The following MYT1 variants were observed in gnomAD, a reference collection of about 807,000 sequenced individuals.
MYT1 encodes myelin transcription factor 1.
MYT1 carries 23 observed loss-of-function variants against 123.0 expected under a neutral mutation model. The observed-to-expected ratio is 0.19, with a 90% CI of 0.13 to 0.26. The LOEUF (loss-of-function observed/expected upper bound fraction) is 0.26, where lower values mean the gene tolerates loss of function less well. Among genes scored for constraint, MYT1 ranks in the 10% least tolerant of loss-of-function variants. MYT1 has a pLI of 1.00. For missense variants in MYT1, 1,125 were observed against 1,472.5 expected (o/e 0.76, Z 3.86); for synonymous variants, 518 against 575.3 (o/e 0.90, Z 1.43).
chr20:64,207,979 C>T lies in MYT1; in HGVS notation c.783C>T (p.Asp261=), dbSNP rs138499052. ...QKGILSHEEE[D]EEEEEEEEEE... The stretch of plus-strand genomic sequence containing the variant: ...GCATCCTGAGTCACGAAGAGGAGGA[C>T]GAGGAGGAGGAGGAGGAGGAAGAGG... Residue 261 remains aspartate (D), a synonymous_variant, in exon 7 of 23, where the codon GAC becomes GAT. Coordinates refer to ENST00000328439, the MANE Select transcript of MYT1 (RefSeq NM_004535.3). The T allele has an allele frequency of 1.6e-3, 2,455 of 1,569,268 alleles. 5 individuals are homozygous for T. Among genetic ancestry groups the T allele is most frequent in the South Asian group, 3.6e-3 (311 of 86,726 alleles).
chr20:64,218,850 T>G lies in MYT1; in HGVS notation c.1847-61T>G. 1 of 1,609,416 alleles carries G rather than the reference T, an allele frequency of 6.2e-7. No individual in the cohort carries two copies. The highest frequency in any genetic ancestry group is 8.5e-7 in the Non-Finnish European group (1 of 1,179,014). On this transcript the variant is annotated intron_variant, in intron 11 of 22. Transcript: ENST00000328439. The surrounding 1 kb of genome is among the most constrained non-coding windows in gnomAD (Gnocchi z 4.0). ...TGCAGCCAAACCTTTCCCAAAGGCCTCTTCCCCCAGGCACAGCCCCTCCAG... is the reference window on the plus strand; with the variant it reads ...TGCAGCCAAACCTTTCCCAAAGGCCGCTTCCCCCAGGCACAGCCCCTCCAG...
chr20:64,236,541 G>A lies in MYT1; in HGVS notation c.2898-14G>A. 2 of 1,610,486 alleles carry A rather than the reference G, an allele frequency of 1.2e-6. No individual in the cohort carries two copies. The highest frequency in any genetic ancestry group is 1.7e-6 in the Non-Finnish European group (2 of 1,177,094). On this transcript the variant is annotated splice_polypyrimidine_tract_variant and intron_variant, in intron 19 of 22. Coordinates refer to ENST00000328439, the MANE Select transcript of MYT1 (RefSeq NM_004535.3). ...ACCCTGGGCTGGTGAATGATATGTG[G>A]CCTCTGCTTCCAGTTTGTCAGGCTG...
Position 64,208,697 on chromosome 20 carries a change from C to CAG in MYT1, c.1291+211_1291+212dup, listed in dbSNP as rs34473810. ...ACATAGAGCGATCTGGAGCGAGACACAGCGGAGACGTGTGAGAAAGAACCA... is the reference window on the plus strand; with the variant it reads ...ACATAGAGCGATCTGGAGCGAGACACAGAGCGGAGACGTGTGAGAAAGAACCA... On this transcript the variant is annotated intron_variant, in intron 7 of 22. Coordinates refer to ENST00000328439, the MANE Select transcript of MYT1 (RefSeq NM_004535.3). The surrounding 1 kb of genome is among the most constrained non-coding windows in gnomAD (Gnocchi z 5.4). Among the ~76,000 whole-genome samples, 19,941 of 152,188 alleles carry CAG rather than the reference C, an allele frequency of 0.13. 1,392 individuals are homozygous for CAG. Among genetic ancestry groups the CAG allele is most frequent in the South Asian group, 0.19 (898 of 4,820 alleles).
At chr20:64,227,867 T>C (rs779733954) in intron 17 of MYT1, 21 bp from the exon 18 acceptor site, 1 of 1,610,062 alleles carries the variant, frequency 6.2e-7, no homozygotes, top group Non-Finnish European at 8.5e-7. Flanking sequence ...AAGGTGGCCT[T>C]TTTTCCTCTT....
Position 64,202,595 on chromosome 20 carries a change from G to A in MYT1, c.87-2440G>A, listed in dbSNP as rs1983358417. Among the ~76,000 whole-genome samples the A allele has an allele frequency of 6.6e-6, 1 of 151,600 alleles. No homozygotes were observed. Among genetic ancestry groups the A allele is most frequent in the South Asian group, 2.1e-4 (1 of 4,820 alleles). On this transcript the variant is annotated intron_variant, in intron 4 of 22. Coordinates refer to ENST00000328439, the MANE Select transcript of MYT1 (RefSeq NM_004535.3). The surrounding 1 kb of genome is among the most constrained non-coding windows in gnomAD (Gnocchi z 5.0). ...TCCCACCCAGATGACTGCCCCAGGA[G>A]AGGGAGGGAAGGCAGGGAAGGCAGT...
At position 64,202,017 on chromosome 20, in the gene MYT1, T is replaced by TCGCGTGTCGGGAACCCC. The variant is rs1568708231; in HGVS notation, c.86+2111_86+2127dup. Among the ~76,000 whole-genome samples the TCGCGTGTCGGGAACCCC allele has an allele frequency of 4.0e-4, 7 of 17,474 alleles. No individual in the cohort carries two copies. The highest frequency in any genetic ancestry group is 7.3e-4 in the African/African-American group (4 of 5,494). The allele number at this position is 17,474 out of a possible 152,430, so 11.5% of individuals were successfully genotyped here. On this transcript the variant is annotated intron_variant, in intron 4 of 22. Transcript: ENST00000328439. This position sits in a 1 kb window ranked among gnomAD's most constrained non-coding sequence, Gnocchi z 5.0. Reference sequence around the variant, plus strand: ...GGAACCCCCGCGTGTCGGGAACCCCTCGCGTGTCGGGAACCCCCGCGTGTC... The same window carrying TCGCGTGTCGGGAACCCC: ...GGAACCCCCGCGTGTCGGGAACCCCTCGCGTGTCGGGAACCCCCGCGTGTCGGGAACCCCCGCGTGTC...
intron 4 of MYT1, 36 bp from the exon 5 acceptor site, chr20:64,204,999 C>T (rs763085611): frequency 4.1e-5 from 66 of 1,607,430 alleles, no homozygotes; most frequent in Middle Eastern, 1.6e-4. Context: ...CTGAGCCCAT[C>T]GCCTGATGTG....
intron 10 of MYT1, among the ~76,000 whole-genome samples, chr20:64,214,812 G>T (rs1026573804): frequency 2.6e-5 from 4 of 152,220 alleles, no homozygotes; most frequent in African/African-American, 7.2e-5. Context: ...TCCTTTCGGG[G>T]CCCACCTGAC....
rs113546030 is a variant in MYT1 at position 64,235,004 on chromosome 20, G to C, written c.2898-1551G>C. Among the ~76,000 whole-genome samples the C allele has an allele frequency of 2.5e-4, 36 of 146,704 alleles. 1 individual carries two copies. Among genetic ancestry groups the C allele is most frequent in the African/African-American group, 7.7e-4 (30 of 39,158 alleles). ...TGTGGTGGGTGACACTGGGCTGGCT[G>C]TGGTGGGTGACCCTGGGATGGTCAT... On this transcript the variant is annotated intron_variant, in intron 19 of 22. Transcript: ENST00000328439.
chr20:64,234,487 G>A (rs1161794371), intron 19 of MYT1, among the ~76,000 whole-genome samples: 1 of 152,238 alleles, frequency 6.6e-6, no homozygotes, highest in South Asian at 2.1e-4. Flanking sequence ...CTGCCTAGAT[G>A]TAGCTTCTTT....
intron 19 of MYT1, among the ~76,000 whole-genome samples, chr20:64,235,617 T>C (rs1311879060): frequency 5.6e-4 from 51 of 91,836 alleles, no homozygotes; most frequent in South Asian, 1.8e-3. Context: ...CCGAGCTGGC[T>C]GTGGTGGGTG....
chr20:64,234,906 T>C (rs1478510432), intron 19 of MYT1, among the ~76,000 whole-genome samples: 4 of 98,526 alleles, frequency 4.1e-5, no homozygotes, highest in African/African-American at 1.2e-4. Flanking sequence ...ACTGGGCTGG[T>C]GGTGGTGGGT....
In MYT1 at chr20:64,191,742, A is replaced by G. The variant is rs1441379846; in HGVS notation, c.-1+1582A>G. 6.6e-6 allele frequency: 1 copy of G among 152,192 alleles called. No individual in the cohort carries two copies. The highest frequency in any genetic ancestry group is 2.4e-5 in the African/African-American group (1 of 41,442). 9.4% of individuals were successfully genotyped at this position (152,192 alleles called of 1,614,324 possible). The stretch of plus-strand genomic sequence containing the variant: ...CCGCAGGATTATCAGTGCTCTGCTG[A>G]TCCATGTTGGAGCCTGGGGCACAAG... On this transcript the variant is annotated intron_variant, in intron 2 of 22. Coordinates refer to ENST00000328439, the MANE Select transcript of MYT1 (RefSeq NM_004535.3). The surrounding 1 kb of genome is among the most constrained non-coding windows in gnomAD (Gnocchi z 4.1).
chr20:64,173,505 TTTCCCC>T (rs1982354768), intron 1 of MYT1, among the ~76,000 whole-genome samples: 1 of 134,448 alleles, frequency 7.4e-6, no homozygotes, highest in Non-Finnish European at 1.6e-5. Context: ...GTTGTGTCCA[TTTCCCC>T]TCCCTGACTT....
In MYT1 at chr20:64,211,360, G is replaced by C; in HGVS notation, c.1426+20G>C. ...CAGAGAGTGAGTAGCTCTGTGCAGC[G>C]TTAGCCCTAACTGTGAAGCTCACGC... is the stretch of plus-strand genomic sequence containing the variant. On this transcript the variant is annotated intron_variant, in intron 8 of 22. Coordinates refer to ENST00000328439, the MANE Select transcript of MYT1 (RefSeq NM_004535.3). 1 of 1,600,242 alleles carries C rather than the reference G, an allele frequency of 6.2e-7. No individual in the cohort carries two copies. Among genetic ancestry groups the C allele is most frequent in the Non-Finnish European group, 8.5e-7 (1 of 1,170,346 alleles).
intron 1 of MYT1, among the ~76,000 whole-genome samples, chr20:64,187,103 C>T (rs1016013002): frequency 6.7e-5 from 10 of 148,678 alleles, no homozygotes; most frequent in East Asian, 4.1e-4. Context: ...TCCATGTTTC[C>T]GTGGAGAGTT....
In MYT1 at chr20:64,201,982, C is replaced by CT. The variant is rs1430072830; in HGVS notation, c.86+2060_86+2061insT. Among the ~76,000 whole-genome samples the CT allele has an allele frequency of 3.3e-3, 265 of 79,446 alleles. 7 individuals carry two copies. The highest frequency in any genetic ancestry group is 0.027 in the South Asian group (78 of 2,908). The allele number at this position is 79,446 out of a possible 152,430, so 52.1% of individuals were successfully genotyped here. ...GGGAACCCCCGCGTGTCGGGAACCC[C>CT]CGCGTGTCGGGAACCCCCGCGTGTC... is the stretch of plus-strand genomic sequence containing the variant. On this transcript the variant is annotated intron_variant, in intron 4 of 22. Transcript: ENST00000328439.
chr20:64,212,012 C>A lies in MYT1; in HGVS notation c.1427-36C>A, dbSNP rs745510916. ...AGCTGGCGCTCCCCAGATTCTCTGA[C>A]AGCCTCGGCTCCCTCCACCCCCTGT... On this transcript the variant is annotated intron_variant, in intron 8 of 22. Coordinates refer to ENST00000328439, the MANE Select transcript of MYT1 (RefSeq NM_004535.3). The surrounding 1 kb of genome is among the most constrained non-coding windows in gnomAD (Gnocchi z 6.8). 1.9e-6 allele frequency: 3 copies of A among 1,571,380 alleles called. No individual in the cohort carries two copies. In the South Asian group the frequency reaches 3.3e-5, roughly 17 times the overall value.
rs886894742 is a variant in MYT1, at chr20:64,202,478, G to A, written c.86+2556G>A. On this transcript the variant is annotated intron_variant, in intron 4 of 22. Transcript: ENST00000328439. This position sits in a 1 kb window ranked among gnomAD's most constrained non-coding sequence, Gnocchi z 5.0. ...GAGACAGCGAGGCGCTGACAACACC[G>A]AGTTCAGGACCATCTCCAAGTTCAG... Among the ~76,000 whole-genome samples the A allele has an allele frequency of 7.9e-5, 12 of 152,158 alleles. 1 individual carries two copies. The highest frequency in any genetic ancestry group is 2.6e-4 in the Admixed American group (4 of 15,268).
Sources: allele counts gnomAD v4.1 joint callset (sites outside exome capture counted in the v4.1 genomes callset), GRCh38; gene constraint gnomAD v4.1.1; non-coding constraint Gnocchi (gnomAD v3.1); transcripts MANE v1.5; gene names NCBI Gene and HGNC (gene_info 2026-07-23, HGNC 2026-07-21).